The following TTC28 variants were observed in gnomAD, a reference collection of about 807,000 sequenced individuals.
TTC28 encodes tetratricopeptide repeat domain 28.
Under a neutral mutation model 198.0 loss-of-function variants are expected in TTC28, and 61 were observed. That is an observed-to-expected ratio of 0.31 (90% CI 0.25 to 0.38). The LOEUF is 0.38. TTC28 is among the 10% of genes least tolerant of loss of function. The pLI, the probability that TTC28 is intolerant of heterozygous loss-of-function variation, is 1.00. For synonymous variants in TTC28, 1,171 were observed against 1,297.8 expected (o/e 0.90, Z 2.10); for missense variants, 2,678 against 3,164.0 (o/e 0.85, Z 3.69).
intron 2 of TTC28, among the ~76,000 whole-genome samples, chr22:28,339,188 G>A (rs922191566): frequency 1.3e-4 from 20 of 152,160 alleles, no homozygotes; most frequent in East Asian, 3.9e-4. Context: ...GCAGAACAGC[G>A]GATGCTGCAG....
intron 2 of TTC28, among the ~76,000 whole-genome samples, chr22:28,333,968 A>G (rs868344485): frequency 6.6e-6 from 1 of 151,904 alleles, no homozygotes; most frequent in African/African-American, 2.4e-5. Context: ...TTCATTTAAT[A>G]TTAGGCATAT....
chr22:28,156,115 T>C (rs980824681), intron 6 of TTC28, among the ~76,000 whole-genome samples: 16 of 152,342 alleles, frequency 1.1e-4, no homozygotes, highest in African/African-American at 3.1e-4. Context: ...GGCTGAATAA[T>C]GACATCCCCT....
intron 2 of TTC28, among the ~76,000 whole-genome samples, chr22:28,482,996 C>T (rs1192295627): frequency 6.6e-6 from 1 of 152,080 alleles, no homozygotes; most frequent in Non-Finnish European, 1.5e-5. Context: ...GCTGTTTCTA[C>T]CTATTACCTG....
chr22:28,001,153 C>G (rs539146503), intron 15 of TTC28: 1 of 531,840 alleles, frequency 1.9e-6, no homozygotes, highest in African/African-American at 1.9e-5. Context: ...CAAACTGTGG[C>G]TTCCCAAGGC....
intron 1 of TTC28, among the ~76,000 whole-genome samples, chr22:28,677,698 A>G (rs1361373300): frequency 1.3e-5 from 2 of 152,196 alleles, no homozygotes; most frequent in African/African-American, 4.8e-5. Context: ...GCACTTTGGG[A>G]GGCCAAGGTG....
chr22:28,100,117 T>C (rs1374832037), intron 9 of TTC28, among the ~76,000 whole-genome samples: 1 of 152,216 alleles, frequency 6.6e-6, no homozygotes, highest in African/African-American at 2.4e-5. Flanking sequence ...GATATTTACA[T>C]GCTGGAAACT....
intron 5 of TTC28, among the ~76,000 whole-genome samples, chr22:28,166,296 A>C (rs139664172): frequency 0.018 from 2,771 of 152,318 alleles, 103 homozygotes; most frequent in African/African-American, 0.062. Flanking sequence ...ATATCCAGGA[A>C]TTGAACTCAG....
chr22:28,111,758 C>A (rs1489503566), intron 6 of TTC28, among the ~76,000 whole-genome samples: 1 of 151,992 alleles, frequency 6.6e-6, no homozygotes, highest in African/African-American at 2.4e-5. Context: ...GATTTTATTG[C>A]AATGATTTTC....
chr22:28,539,170 G>A (rs1436892175), intron 2 of TTC28, among the ~76,000 whole-genome samples: 2 of 152,156 alleles, frequency 1.3e-5, no homozygotes, highest in African/African-American at 4.8e-5. Flanking sequence ...GATTGTCCTA[G>A]TGGAAATGTC....
Position 28,037,606 on chromosome 22 carries a change from A to G in TTC28, c.3933-7240T>C, listed in dbSNP as rs529211356. On this transcript the variant is annotated intron_variant, in intron 12 of 22. Coordinates refer to ENST00000397906, the MANE Select transcript of TTC28 (RefSeq NM_001145418.2). ...GGAAGCATTCCCTTTGAAAACTGGCACAAGACAGGGATGCCCTCTCTCACC... is the reference window on the plus strand; with the variant it reads ...GGAAGCATTCCCTTTGAAAACTGGCGCAAGACAGGGATGCCCTCTCTCACC... Among the ~76,000 whole-genome samples the G allele has an allele frequency of 1.8e-3, 273 of 152,360 alleles. 1 individual carries two copies. Among genetic ancestry groups the G allele is most frequent in the South Asian group, 0.011 (52 of 4,824 alleles).
intron 2 of TTC28, among the ~76,000 whole-genome samples, chr22:28,611,635 T>A (rs1382016822): frequency 6.8e-6 from 1 of 147,746 alleles, no homozygotes; most frequent in African/African-American, 2.5e-5. Flanking sequence ...ATTAGGTATA[T>A]CTCCCAATGC....
chr22:28,480,365 C>T (rs182188592), intron 2 of TTC28, among the ~76,000 whole-genome samples: 1 of 152,138 alleles, frequency 6.6e-6, no homozygotes, highest in Non-Finnish European at 1.5e-5. Flanking sequence ...ACACTTGTGA[C>T]CTCATCACCA....
At chr22:28,203,079 A>C (rs1022100231) in intron 5 of TTC28, among the ~76,000 whole-genome samples, 3 of 152,180 alleles carry the variant, frequency 2.0e-5, no homozygotes, top group African/African-American at 4.8e-5. Context: ...CATACTGTAT[A>C]CATCCTTCCG....
intron 5 of TTC28, among the ~76,000 whole-genome samples, chr22:28,275,885 G>A (rs539952165): frequency 6.6e-6 from 1 of 152,264 alleles, no homozygotes; most frequent in South Asian, 2.1e-4. Flanking sequence ...CCAAAGGGTG[G>A]CTAGGTAATC....
At chr22:27,995,508 G>A (rs1385110916) in intron 17 of TTC28, among the ~76,000 whole-genome samples, 2 of 152,172 alleles carry the variant, frequency 1.3e-5, no homozygotes, top group Admixed American at 6.5e-5. Context: ...CTTTACACAT[G>A]TAGCTGTGGG....
chr22:28,320,656 G>A (rs2145847000), intron 2 of TTC28, among the ~76,000 whole-genome samples: 1 of 152,232 alleles, frequency 6.6e-6, no homozygotes, highest in South Asian at 2.1e-4. Context: ...GCTGATACAT[G>A]AAACAATCAG....
intron 15 of TTC28, chr22:28,000,459 G>C (rs1422451546): frequency 6.6e-6 from 1 of 152,376 alleles, no homozygotes; most frequent in Non-Finnish European, 1.5e-5. Context: ...CCCGCCTGCT[G>C]TGGGGTATTA....
chr22:28,100,930 G>A (rs1942126977), intron 9 of TTC28, among the ~76,000 whole-genome samples: 1 of 152,058 alleles, frequency 6.6e-6, no homozygotes, highest in Non-Finnish European at 1.5e-5. Context: ...TGTTTAATGG[G>A]GAGCAATAGC....
At chr22:28,162,481 T>C (rs1472927959) in intron 6 of TTC28, among the ~76,000 whole-genome samples, 1 of 152,180 alleles carries the variant, frequency 6.6e-6, no homozygotes, top group Non-Finnish European at 1.5e-5. Context: ...ATAGCCTATA[T>C]CATCATTTCA....
Sources: gnomAD v4.1 joint callset for allele counts (sites outside exome capture counted in the v4.1 genomes callset) on GRCh38, gnomAD v4.1.1 for gene constraint, MANE v1.5 for transcripts, NCBI Gene and HGNC (gene_info 2026-07-23, HGNC 2026-07-21) for gene names.